Variants in HERC1 observed in about 807,000 individuals in gnomAD.
The protein encoded by HERC1 is HECT and RLD domain containing E3 ubiquitin protein ligase family member 1, also known as probable E3 ubiquitin-protein ligase HERC1.
Under a neutral mutation model 554.3 loss-of-function variants are expected in HERC1, and 160 were observed. The observed-to-expected ratio is 0.29, with a 90% CI of 0.25 to 0.33. The LOEUF is 0.33. HERC1 is among the 10% of genes least tolerant of loss of function. The pLI is 1.00. For missense variants in HERC1, 4,919 were observed against 5,918.5 expected, an observed-to-expected ratio of 0.83 and a Z score of 5.54; for synonymous variants, 2,175 against 2,131.7, an observed-to-expected ratio of 1.02 and a Z score of -0.56.
In HERC1 at chr15:63,753,052, T is replaced by C. The variant is rs780514120; in HGVS notation, c.1808A>G (p.Tyr603Cys). 6.2e-7 allele frequency: 1 copy of C among 1,612,054 alleles called. No homozygotes were observed. Among genetic ancestry groups the C allele is most frequent in the South Asian group, 1.1e-5 (1 of 90,746 alleles). ...KLGHGDTNRV[Y>C]KPKVIEALQG... ...TAAAGCTTCAATAACTTTAGGTTTA[T>C]ACACTCTGTTGGTATCACCATGACC... Residue 603 changes from tyrosine (Y) to cysteine (C), a missense_variant, in exon 8 of 78, where the codon TAT becomes TGT. Around this residue, in one of 11 missense-constraint regions of HERC1, gnomAD observed 744 missense variants for 1,090.0 expected, o/e 0.68. Coordinates refer to ENST00000443617, the MANE Select transcript of HERC1 (RefSeq NM_003922.4).
At chr15:63,665,394 A>G (rs1354213891) in intron 42 of HERC1, among the ~76,000 whole-genome samples, 1 of 152,124 alleles carries the variant, frequency 6.6e-6, no homozygotes, top group African/African-American at 2.4e-5. Context: ...TGAGCCGGGC[A>G]TGGTGGCACA....
In HERC1 at chr15:63,694,646, AAATT is replaced by A. The variant is rs1231916628; in HGVS notation, c.5243-101_5243-98del. ...TAAAATATTAATAACATGAAACACTAAATTATTTATTCTTTACCTATAAGTTTAT... is the reference window on the plus strand; with the variant it reads ...TAAAATATTAATAACATGAAACACTAATTTATTCTTTACCTATAAGTTTAT... On this transcript the variant is annotated intron_variant, in intron 28 of 77. Coordinates refer to ENST00000443617, the MANE Select transcript of HERC1 (RefSeq NM_003922.4). This position sits in a 1 kb window ranked among gnomAD's most constrained non-coding sequence, Gnocchi z 4.3. 1.4e-6 allele frequency: 2 copies of A among 1,435,184 alleles called. No homozygotes were observed. Among genetic ancestry groups the A allele is most frequent in the East Asian group, 4.8e-5 (2 of 41,318 alleles). 88.9% of individuals were successfully genotyped at this position (1,435,184 alleles called of 1,614,324 possible). A position where few individuals can be genotyped will look rare whatever the true frequency, so the allele number is the denominator to read the frequency against.
Position 63,651,289 on chromosome 15 carries a change from C to A in HERC1, c.10510G>T (p.Ala3504Ser). ...CAGATATTCACCATCTTTTCCAAAG[C>A]GCCTGCTAGATATTTGCCACTGATA... ...WSISGKYLAG[A>S]LEKMVNIWQV... is the part of the protein sequence containing the mutation. The change falls in exon 53 of 78, where the codon GCT (alanine) becomes TCT (serine). Residue 3504 changes from alanine (A) to serine (S), a missense_variant. Coordinates refer to ENST00000443617, the MANE Select transcript of HERC1 (RefSeq NM_003922.4). 1.2e-6 allele frequency: 2 copies of A among 1,613,816 alleles called. No homozygotes were observed. Among genetic ancestry groups the A allele is most frequent in the South Asian group, 1.1e-5 (1 of 91,080 alleles).
At chr15:63,799,344 T>TA (rs577774751) in intron 1 of HERC1, among the ~76,000 whole-genome samples, 224 of 151,588 alleles carry the variant, frequency 1.5e-3, no homozygotes, top group African/African-American at 5.0e-3. Flanking sequence ...CTCCAAAAAT[T>TA]AAAAAATTAG....
intron 1 of HERC1, among the ~76,000 whole-genome samples, chr15:63,778,014 C>CAGCAGTTG (rs2076163802): frequency 6.6e-6 from 1 of 152,096 alleles, no homozygotes; most frequent in South Asian, 2.1e-4. Flanking sequence ...TAGTTGAAGA[C>CAGCAGTTG]AATGGCAGCT....
At chr15:63,709,230 G>A (rs994086792) in intron 24 of HERC1, among the ~76,000 whole-genome samples, 2 of 151,318 alleles carry the variant, frequency 1.3e-5, no homozygotes, top group Non-Finnish European at 2.9e-5. Flanking sequence ...CTGCTGGCTC[G>A]AACTCCTGGG....
intron 53 of HERC1, among the ~76,000 whole-genome samples, chr15:63,650,305 T>C (rs2069602070): frequency 6.6e-6 from 1 of 152,032 alleles, no homozygotes; most frequent in Non-Finnish European, 1.5e-5. Context: ...ACCTGGGAGA[T>C]GGAGGCTGCA....
chr15:63,640,025 T>C, intron 61 of HERC1, 127 bp downstream of exon 61: 1 of 888,918 alleles, frequency 1.1e-6, no homozygotes, highest in Non-Finnish European at 1.7e-6. Flanking sequence ...GAAAAATATT[T>C]TCCATTTCTC....
rs1221123101 is a variant in HERC1, at chr15:63,758,961, T to C, written c.1027-592A>G. On this transcript the variant is annotated intron_variant, in intron 3 of 77. Transcript: ENST00000443617. The surrounding 1 kb of genome is among the most constrained non-coding windows in gnomAD (Gnocchi z 4.0). ...ACAGACTAGACTCAAACTCCTGGGT[T>C]CAAGCAATCCTCCCACCTCAGCCCC... Among the ~76,000 whole-genome samples the C allele has an allele frequency of 6.6e-6, 1 of 152,060 alleles. No individual in the cohort carries two copies. The highest frequency in any genetic ancestry group is 1.5e-5 in the Non-Finnish European group (1 of 68,012).
At position 63,674,785 on chromosome 15, in the gene HERC1, A is replaced by G. The variant is rs947273049; in HGVS notation, c.7403T>C (p.Leu2468Ser). ...TTCCACACTTGGCAGTGTTGGATCT[A>G]AAGAAAATGAAGCGATTTCATTTTC... is the stretch of plus-strand genomic sequence containing the variant. ...KSENEIASFS[L>S]DPTLPSVESQ... is the part of the protein sequence containing the mutation. Residue 2468 changes from leucine (L) to serine (S), a missense_variant, in exon 38 of 78, where the codon TTA becomes TCA. Physicochemically the swap from Leu to Ser is moderately radical, Grantham distance 145. Transcript: ENST00000443617. 1 of 1,613,958 alleles carries G rather than the reference A, an allele frequency of 6.2e-7. No homozygotes were observed. The highest frequency in any genetic ancestry group is 8.5e-7 in the Non-Finnish European group (1 of 1,179,868).
intron 38 of HERC1, 26 bp downstream of exon 38, chr15:63,674,314 CAA>C (rs111577041): frequency 3.4e-3 from 4,536 of 1,328,668 alleles, no homozygotes; most frequent in South Asian, 0.01. Context: ...AGCACAAAAG[CAA>C]AAAAAAAAAA....
intron 25 of HERC1, among the ~76,000 whole-genome samples, chr15:63,704,734 A>ATTTTTT (rs567922548): frequency 2.3e-5 from 2 of 88,432 alleles, no homozygotes; most frequent in South Asian, 3.2e-4. Flanking sequence ...ATACTCTGTA[A>ATTTTTT]TTTTTTTTTT....
intron 1 of HERC1, among the ~76,000 whole-genome samples, chr15:63,778,628 A>G (rs1406901274): frequency 6.6e-6 from 1 of 152,226 alleles, no homozygotes; most frequent in African/African-American, 2.4e-5. Context: ...CAAGTAAAAC[A>G]AACAAAATTT....
In HERC1 at chr15:63,758,147, C is replaced by T; in HGVS notation, c.1221+28G>A. 4 of 1,515,476 alleles carry T rather than the reference C, an allele frequency of 2.6e-6. No individual in the cohort carries two copies. The highest frequency in any genetic ancestry group is 3.6e-6 in the Non-Finnish European group (4 of 1,100,912). The allele number at this position is 1,515,476 out of a possible 1,614,324, so 93.9% of individuals were successfully genotyped here. A position where few individuals can be genotyped will look rare whatever the true frequency, so the allele number is the denominator to read the frequency against. On this transcript the variant is annotated intron_variant, in intron 4 of 77. Coordinates refer to ENST00000443617, the MANE Select transcript of HERC1 (RefSeq NM_003922.4). The surrounding 1 kb of genome is among the most constrained non-coding windows in gnomAD (Gnocchi z 4.0). ...CATGAATATACACCAGATTATCTAC[C>T]AGTTTGTAAGCTATTTAGAAAACTT...
At chr15:63,703,533 G>A (rs1255780329) in intron 25 of HERC1, among the ~76,000 whole-genome samples, 2 of 152,094 alleles carry the variant, frequency 1.3e-5, no homozygotes, top group Non-Finnish European at 2.9e-5. Context: ...AAATGCAAAT[G>A]CTGTATGAGG....
At chr15:63,776,915 A>G (rs956069913) in intron 1 of HERC1, among the ~76,000 whole-genome samples, 1 of 152,254 alleles carries the variant, frequency 6.6e-6, no homozygotes, top group Non-Finnish European at 1.5e-5. Context: ...AAGCTGAAGT[A>G]TATTTGAGGG....
intron 64 of HERC1, chr15:63,637,198 T>C (rs928388603): frequency 2.0e-6 from 1 of 498,294 alleles, no homozygotes; most frequent in Non-Finnish European, 3.9e-6. Flanking sequence ...ACATGCATGA[T>C]TGCTACTGCT....
At chr15:63,713,320 T>C (rs373069539) in intron 23 of HERC1, 33 bp downstream of exon 23, 5 of 1,545,804 alleles carry the variant, frequency 3.2e-6, no homozygotes, top group Middle Eastern at 1.8e-4. Flanking sequence ...GGGAAGTGAG[T>C]AGGTCATGTT....
chr15:63,800,287 A>G (rs2076938660), intron 1 of HERC1, among the ~76,000 whole-genome samples: 1 of 152,232 alleles, frequency 6.6e-6, no homozygotes, highest in African/African-American at 2.4e-5. Flanking sequence ...TACTCTAAAG[A>G]ACAAAATCTC....
Sources: gnomAD v4.1 joint callset for allele counts (sites outside exome capture counted in the v4.1 genomes callset) on GRCh38, gnomAD v4.1.1 for gene constraint, gnomAD v4.1.1 regional missense constraint, Gnocchi (gnomAD v3.1) non-coding constraint, MANE v1.5 for transcripts, NCBI Gene and HGNC (gene_info 2026-07-23, HGNC 2026-07-21) for gene names.